The following PCYT1B variants were observed in gnomAD, a reference collection of about 807,000 sequenced individuals.
PCYT1B encodes the protein phosphate cytidylyltransferase 1B, choline, also known as choline-phosphate cytidylyltransferase B.
In PCYT1B, 10 loss-of-function variants were observed where a neutral mutation model predicts 26.4. The ratio of observed to expected loss-of-function variants is 0.38; its 90% CI spans 0.23 to 0.64. The LOEUF (loss-of-function observed/expected upper bound fraction) is 0.64, where lower values mean the gene tolerates loss of function less well. Among genes scored for constraint, PCYT1B ranks in the 30% least tolerant of loss-of-function variants. The pLI is 0.56. For synonymous variants in PCYT1B, 131 were observed against 108.4 expected (o/e 1.21, Z -1.29); for missense variants, 161 against 292.7 (o/e 0.55, Z 3.28).
upstream of PCYT1B, among the ~76,000 whole-genome samples, chrX:24,648,449 ATTTTTTTTTTT>A (rs57744798): frequency 2.5e-5 from 1 of 39,717 alleles, no homozygotes; most frequent in African/African-American, 1.4e-4. Context: ...ATTTGAAGGA[ATTTTTTTTTTT>A]TTTTTTTTTT....
chrX:24,654,771 A>AAG (rs1311859654), intron 1 of PCYT1B, among the ~76,000 whole-genome samples: 2 of 106,471 alleles, frequency 1.9e-5, no homozygotes, highest in Admixed American at 1.0e-4. Context: ...AAAAAAAAAA[A>AAG]AGAAATGTAT....
intron 2 of PCYT1B, among the ~76,000 whole-genome samples, chrX:24,610,708 T>C (rs976030975): frequency 2.7e-5 from 3 of 111,886 alleles, no homozygotes; most frequent in Non-Finnish European, 5.6e-5. Context: ...AAGTTGATTT[T>C]GCAATAAGCT....
chrX:24,620,568 A>G (rs1925670689), intron 1 of PCYT1B, among the ~76,000 whole-genome samples: 1 of 112,030 alleles, frequency 8.9e-6, no homozygotes, highest in Admixed American at 9.5e-5. Flanking sequence ...GTAATGTAGC[A>G]AAGGGGTGCA....
At chrX:24,600,550 C>T (rs1023870620) in intron 3 of PCYT1B, among the ~76,000 whole-genome samples, 1 of 111,187 alleles carries the variant, frequency 9.0e-6, no homozygotes, top group Non-Finnish European at 1.9e-5. Flanking sequence ...AGCCAGGGGA[C>T]AAATACTTTT....
rs1024174418 is a variant in PCYT1B, at chrX:24,588,400, C to T, written c.487-1081G>A. ...TTTTTTCTGGTCATCCTCATGCCTG[C>T]TCATCTTTATTCCTGTTTCCTGCAA... On this transcript the variant is annotated intron_variant, in intron 4 of 7. Coordinates refer to ENST00000379144, the MANE Select transcript of PCYT1B (RefSeq NM_004845.5). Among the ~76,000 whole-genome samples, 5 of 111,501 alleles carry T rather than the reference C, an allele frequency of 4.5e-5. No individual in the cohort carries two copies. The East Asian group carries it at 1.4e-3, about 31-fold the overall frequency.
intron 1 of PCYT1B, among the ~76,000 whole-genome samples, chrX:24,636,527 C>T (rs1034474002): frequency 8.9e-6 from 1 of 112,023 alleles, no homozygotes; most frequent in African/African-American, 3.2e-5. Context: ...GCAGAAGAAC[C>T]GCTTGTAACT....
In PCYT1B at chrX:24,559,709, A is replaced by T. The variant is rs1923332774; in HGVS notation, c.*2584T>A. 2.7e-5 allele frequency: 3 copies of T among 111,816 alleles called. No homozygotes were observed. Among genetic ancestry groups the T allele is most frequent in the African/African-American group, 9.8e-5 (3 of 30,741 alleles). The allele number at this position is 111,816 out of a possible 1,213,427, so 9.2% of individuals were successfully genotyped here. ...GGGGCATATTTCTCATTCCAGCCTTAACTCACTCTTGGCCATTACAGTTGA... is the reference window on the plus strand; with the variant it reads ...GGGGCATATTTCTCATTCCAGCCTTTACTCACTCTTGGCCATTACAGTTGA... On this transcript the variant is annotated 3_prime_UTR_variant, in exon 8 of 8. Coordinates refer to ENST00000379144, the MANE Select transcript of PCYT1B (RefSeq NM_004845.5).
rs763921422 is a variant in PCYT1B at position 24,643,724 on chromosome X, G to A, written c.117+3265C>T. 8.9e-5 allele frequency among the ~76,000 whole-genome samples: 10 copies of A among 112,015 alleles called. No homozygotes were observed. In the East Asian group the frequency reaches 2.8e-3, roughly 31 times the overall value. On this transcript the variant is annotated intron_variant, in intron 1 of 7. Coordinates refer to ENST00000379144, the MANE Select transcript of PCYT1B (RefSeq NM_004845.5). ...ATATCTGCAATATTATTATCAATTT[G>A]TTACTTACAGGGATCTAAAATATAG...
Position 24,607,752 on chromosome X carries a change from C to T in PCYT1B, c.327G>A (p.Leu109=). 8.8e-7 allele frequency: 1 copy of T among 1,138,396 alleles called. No homozygotes were observed. The highest frequency in any genetic ancestry group is 1.2e-6 in the Non-Finnish European group (1 of 832,067). 93.8% of individuals were successfully genotyped at this position (1,138,396 alleles called of 1,213,427 possible). A position where few individuals can be genotyped will look rare whatever the true frequency, so the allele number is the denominator to read the frequency against. Residue 109 remains leucine, a synonymous_variant, in exon 3 of 8, where the codon TTG becomes TTA. Transcript: ENST00000379144. Reference sequence around the variant, plus strand: ...AGAAAATGCACTTCTTACCTCCTACCAACAAGTAGCTGTTGGGAAACAGTG... The same window carrying T: ...AGAAAATGCACTTCTTACCTCCTACTAACAAGTAGCTGTTGGGAAACAGTG... ...AKTLFPNSYL[L]VGVCSDDLTH... is the part of the protein sequence containing the mutation.
intron 6 of PCYT1B, among the ~76,000 whole-genome samples, chrX:24,578,336 CAG>C (rs1362913919): frequency 9.3e-6 from 1 of 107,285 alleles, no homozygotes; most frequent in Non-Finnish European, 1.9e-5. Context: ...CAGGGCCTGT[CAG>C]GGGGTGGGGG....
chrX:24,671,318 CATGA>C (rs754548246), intron 1 of PCYT1B, among the ~76,000 whole-genome samples: 20 of 83,927 alleles, frequency 2.4e-4, no homozygotes, highest in African/African-American at 8.1e-4. Flanking sequence ...TGAAATGAGG[CATGA>C]ATGAATGAAT....
At chrX:24,656,236 G>T (rs1165192924) in intron 1 of PCYT1B, among the ~76,000 whole-genome samples, 2 of 98,941 alleles carry the variant, frequency 2.0e-5, no homozygotes, top group Non-Finnish European at 4.1e-5. Flanking sequence ...TCGCGGGGGG[G>T]GGTGGTAATC....
At chrX:24,569,042 T>C (rs750799811) in intron 7 of PCYT1B, among the ~76,000 whole-genome samples, 1 of 111,191 alleles carries the variant, frequency 9.0e-6, no homozygotes, top group African/African-American at 3.3e-5. Context: ...AAAGTTGCAG[T>C]GAGCCGAGAT....
chrX:24,567,202 A>G (rs900446244), intron 7 of PCYT1B, among the ~76,000 whole-genome samples: 1 of 112,716 alleles, frequency 8.9e-6, no homozygotes, highest in African/African-American at 3.2e-5. Flanking sequence ...TAAGAAATCT[A>G]CGACTTGTCT....
intron 7 of PCYT1B, among the ~76,000 whole-genome samples, chrX:24,567,661 T>C (rs1376068955): frequency 8.9e-6 from 1 of 112,291 alleles, no homozygotes; most frequent in East Asian, 2.8e-4. Flanking sequence ...TAAGAAGTAC[T>C]TAACATCGGC....
At chrX:24,611,010 A>G (rs896716290) in intron 2 of PCYT1B, among the ~76,000 whole-genome samples, 2 of 112,318 alleles carry the variant, frequency 1.8e-5, no homozygotes, top group African/African-American at 6.5e-5. Context: ...ATATTTGGTG[A>G]TATCAAGGAA....
chrX:24,588,690 A>AGTT (rs1194985014), intron 4 of PCYT1B, among the ~76,000 whole-genome samples: 1 of 111,311 alleles, frequency 9.0e-6, no homozygotes, highest in East Asian at 2.8e-4. Context: ...TGGTGTCGGG[A>AGTT]GTTGTCCTGT....
rs1555963532 is a variant in PCYT1B, at chrX:24,637,491, A to AT, written c.117+9497_117+9498insA. On this transcript the variant is annotated intron_variant, in intron 1 of 7. Transcript: ENST00000379144. ...ACCCCATCTCTACTAAAAAAAAAAAAATATATATATATATATATATAAATT... is the reference window on the plus strand; with the variant it reads ...ACCCCATCTCTACTAAAAAAAAAAAATATATATATATATATATATATAAATT... Among the ~76,000 whole-genome samples, 337 of 52,834 alleles carry AT rather than the reference A, an allele frequency of 6.4e-3. 11 individuals are homozygous for AT. The highest frequency in any genetic ancestry group is 0.014 in the African/African-American group (93 of 6,810). 45.9% of individuals were successfully genotyped at this position (52,834 alleles called of 115,157 possible).
intron 3 of PCYT1B, among the ~76,000 whole-genome samples, chrX:24,593,418 CTCTT>C (rs1322020841): frequency 1.2e-4 from 10 of 83,981 alleles, no homozygotes; most frequent in South Asian, 5.1e-4. Flanking sequence ...CTTTCTTTCT[CTCTT>C]TCTTTCTTTC....
Sources: allele counts gnomAD v4.1 joint callset (sites outside exome capture counted in the v4.1 genomes callset), GRCh38; gene constraint gnomAD v4.1.1; transcripts MANE v1.5; gene names NCBI Gene and HGNC (gene_info 2026-07-23, HGNC 2026-07-21).